MCU: variants seen among roughly 807,000 people sequenced by gnomAD.
MCU encodes calcium uniporter protein, mitochondrial.
A neutral mutation model predicts 45.2 loss-of-function variants in MCU; 12 were observed. The observed-to-expected ratio is 0.27, with a 90% confidence interval of 0.17 to 0.43. The LOEUF (loss-of-function observed/expected upper bound fraction) is 0.43, where lower values mean the gene tolerates loss of function less well. MCU is among the 20% of genes least tolerant of loss of function. The pLI is 1.00. For synonymous variants in MCU, 160 were observed against 165.1 expected, an observed-to-expected ratio of 0.97 and a Z score of 0.24; for missense variants, 324 against 436.7, an observed-to-expected ratio of 0.74 and a Z score of 2.30.
At chr10:72,858,840 C>T (rs1845333378) in intron 2 of MCU, among the ~76,000 whole-genome samples, 1 of 152,158 alleles carries the variant, frequency 6.6e-6, no homozygotes, top group South Asian at 2.1e-4. Flanking sequence ...TCTCTGACTG[C>T]TTAATAAAAT....
intron 4 of MCU, among the ~76,000 whole-genome samples, chr10:72,866,012 C>T (rs142041713): frequency 0.011 from 1,637 of 150,122 alleles, 23 homozygotes; most frequent in South Asian, 0.028. Context: ...CTCCTGACCT[C>T]GTGATCCGCC....
rs531255821 is a variant in MCU at position 72,784,848 on chromosome 10, C to T, written c.151-49511C>T. 5.9e-5 allele frequency among the ~76,000 whole-genome samples: 9 copies of T among 152,156 alleles called. No individual in the cohort carries two copies. In the South Asian group the frequency reaches 1.9e-3, roughly 32 times the overall value. On this transcript the variant is annotated intron_variant, in intron 1 of 7. Coordinates refer to ENST00000373053, the MANE Select transcript of MCU (RefSeq NM_138357.3). ...CCTACCAAGAGTATTTTGGGAAATT[C>T]CTAAATGCTGATGTGTTCTCAGCTC... is the stretch of plus-strand genomic sequence containing the variant.
chr10:72,886,239 A>G lies in MCU; in HGVS notation c.*417A>G, dbSNP rs1185349122. On this transcript the variant is annotated 3_prime_UTR_variant, in exon 8 of 8. Transcript: ENST00000373053. ...ATTTTTGACATAGGAGTAAATAAAT[A>G]TACTAGAAAAGCAAATTCTCATGAT... 1 of 154,942 alleles carries G rather than the reference A, an allele frequency of 6.5e-6. No homozygotes were observed. The highest frequency in any genetic ancestry group is 1.4e-5 in the Non-Finnish European group (1 of 69,550). The allele number at this position is 154,942 out of a possible 1,614,324, so 9.6% of individuals were successfully genotyped here. A position where few individuals can be genotyped will look rare whatever the true frequency, so the allele number is the denominator to read the frequency against.
chr10:72,870,348 G>A (rs1035400485), intron 5 of MCU, among the ~76,000 whole-genome samples: 6 of 151,962 alleles, frequency 3.9e-5, no homozygotes, highest in African/African-American at 9.7e-5. Context: ...GCACGATCTC[G>A]GCTCACTGCA....
chr10:72,825,521 CTG>C (rs1331076639), intron 1 of MCU, among the ~76,000 whole-genome samples: 1 of 152,124 alleles, frequency 6.6e-6, no homozygotes, highest in Non-Finnish European at 1.5e-5. Flanking sequence ...ATCCTATTAC[CTG>C]TGTTTTATCA....
At chr10:72,710,307 T>C (rs1198624879) in intron 1 of MCU, among the ~76,000 whole-genome samples, 1 of 152,126 alleles carries the variant, frequency 6.6e-6, no homozygotes, top group African/African-American at 2.4e-5. Flanking sequence ...TCTAGAGCTT[T>C]TAACATGAGA....
At chr10:72,735,641 ACT>A (rs1310192957) in intron 1 of MCU, among the ~76,000 whole-genome samples, 1 of 152,190 alleles carries the variant, frequency 6.6e-6, no homozygotes, top group Non-Finnish European at 1.5e-5. Context: ...GTAACTAGCC[ACT>A]CAGTATTAGA....
chr10:72,705,157 C>G (rs574702948), intron 1 of MCU, among the ~76,000 whole-genome samples: 23 of 152,230 alleles, frequency 1.5e-4, no homozygotes, highest in African/African-American at 5.1e-4. Context: ...GGTACTGTGC[C>G]TGGCCAAAAC....
chr10:72,767,778 T>G (rs1843749434), intron 1 of MCU, among the ~76,000 whole-genome samples: 1 of 152,228 alleles, frequency 6.6e-6, no homozygotes, highest in African/African-American at 2.4e-5. Flanking sequence ...TCAAAAGGTT[T>G]GGTCACTTAA....
At chr10:72,870,913 T>TA (rs1259163806) in intron 5 of MCU, among the ~76,000 whole-genome samples, 1 of 152,138 alleles carries the variant, frequency 6.6e-6, no homozygotes, top group Non-Finnish European at 1.5e-5. Context: ...TGTATATATA[T>TA]TTTTTTCAAG....
chr10:72,863,138 A>G (rs1003023323), intron 4 of MCU, among the ~76,000 whole-genome samples: 1 of 151,982 alleles, frequency 6.6e-6, no homozygotes, highest in Non-Finnish European at 1.5e-5. Flanking sequence ...TCTGCCTAAG[A>G]TGTCTTTCTT....
chr10:72,868,446 G>A (rs2132881286), intron 4 of MCU, among the ~76,000 whole-genome samples: 1 of 152,076 alleles, frequency 6.6e-6, no homozygotes, highest in African/African-American at 2.4e-5. Context: ...CAGCTACTTG[G>A]GAAGTTAACG....
chr10:72,842,911 G>A (rs1845067550), intron 2 of MCU, among the ~76,000 whole-genome samples: 1 of 151,116 alleles, frequency 6.6e-6, no homozygotes, highest in Non-Finnish European at 1.5e-5. Flanking sequence ...TGTATAAACT[G>A]TTTGGATTTT....
intron 1 of MCU, among the ~76,000 whole-genome samples, chr10:72,809,220 C>T (rs1844501262): frequency 6.6e-6 from 1 of 152,164 alleles, no homozygotes; most frequent in African/African-American, 2.4e-5. Flanking sequence ...AGCCCTTTGT[C>T]ACCTCACAAC....
At chr10:72,700,232 T>C (rs994353343) in intron 1 of MCU, among the ~76,000 whole-genome samples, 2 of 152,038 alleles carry the variant, frequency 1.3e-5, no homozygotes, top group African/African-American at 4.8e-5. Flanking sequence ...GCTAATTTTT[T>C]GTATTTTTAT....
intron 5 of MCU, among the ~76,000 whole-genome samples, chr10:72,870,501 C>T (rs1039538695): frequency 1.3e-5 from 2 of 152,198 alleles, no homozygotes; most frequent in African/African-American, 2.4e-5. Flanking sequence ...CCAGGATGGT[C>T]GCGATCTCCT....
At chr10:72,784,885 CTTG>C (rs1844049084) in intron 1 of MCU, among the ~76,000 whole-genome samples, 1 of 152,070 alleles carries the variant, frequency 6.6e-6, no homozygotes, top group Admixed American at 6.5e-5. Context: ...ATATAATGCC[CTTG>C]TTGGAGTGAG....
chr10:72,828,919 T>C (rs1844836888), intron 1 of MCU, among the ~76,000 whole-genome samples: 1 of 152,222 alleles, frequency 6.6e-6, no homozygotes, highest in African/African-American at 2.4e-5. Context: ...TTCCTTAAAG[T>C]TCTCAAGTTA....
At chr10:72,724,348 A>G (rs1436191008) in intron 1 of MCU, among the ~76,000 whole-genome samples, 4 of 152,212 alleles carry the variant, frequency 2.6e-5, no homozygotes, top group Non-Finnish European at 5.9e-5. Context: ...AAGTGAAGTG[A>G]GATTCTTTTA....
Sources: allele counts gnomAD v4.1 joint callset (sites outside exome capture counted in the v4.1 genomes callset), GRCh38; gene constraint gnomAD v4.1.1; transcripts MANE v1.5; gene names NCBI Gene and HGNC (gene_info 2026-07-23, HGNC 2026-07-21).